Variants in BCAS3 observed in about 807,000 individuals in gnomAD.
The protein encoded by BCAS3 is BCAS3 microtubule associated cell migration factor.
A neutral mutation model predicts 116.1 loss-of-function variants in BCAS3; 53 were observed. The ratio of observed to expected loss-of-function variants is 0.46; its 90% confidence interval spans 0.37 to 0.57. The LOEUF is 0.57. Ranked by LOEUF, BCAS3 falls within the 20% of genes least tolerant of loss-of-function variation. The pLI is 0.00. For synonymous variants in BCAS3, 391 were observed against 408.2 expected, an observed-to-expected ratio of 0.96 and a Z score of 0.51; for missense variants, 917 against 1,165.4, an observed-to-expected ratio of 0.79 and a Z score of 3.10.
rs1260316926 is a variant in BCAS3 at position 61,189,331 on chromosome 17, A to G, written c.2425+104767A>G. Among the ~76,000 whole-genome samples the G allele has an allele frequency of 1.3e-5, 2 of 152,172 alleles. No individual in the cohort carries two copies. Among genetic ancestry groups the G allele is most frequent in the Non-Finnish European group, 1.5e-5 (1 of 68,028 alleles). On this transcript the variant is annotated intron_variant, in intron 22 of 23. Coordinates refer to ENST00000407086, the MANE Select transcript of BCAS3 (RefSeq NM_017679.5). This position sits in a 1 kb window ranked among gnomAD's most constrained non-coding sequence, Gnocchi z 4.5. ...AAGAGAAGCCATGGTATATTCAAAGAGCTCATAAGGAGGTTGACCTTGCCA... is the reference window on the plus strand; with the variant it reads ...AAGAGAAGCCATGGTATATTCAAAGGGCTCATAAGGAGGTTGACCTTGCCA...
In BCAS3 at chr17:61,309,129, C is replaced by T. The variant is rs1323945326; in HGVS notation, c.2426-59198C>T. ...AGGGTTAGTTCCCTACCTCCATGCC[C>T]GTCAAGGAGTAATACTTTTTTCAGC... On this transcript the variant is annotated intron_variant, in intron 22 of 23. Transcript: ENST00000407086. This position sits in a 1 kb window ranked among gnomAD's most constrained non-coding sequence, Gnocchi z 4.6. 7.4e-6 allele frequency among the ~76,000 whole-genome samples: 1 copy of T among 135,322 alleles called. No homozygotes were observed. Among genetic ancestry groups the T allele is most frequent in the African/African-American group, 3.6e-5 (1 of 27,468 alleles). 88.8% of individuals were successfully genotyped at this position (135,322 alleles called of 152,430 possible).
intron 22 of BCAS3, among the ~76,000 whole-genome samples, chr17:61,283,825 G>A (rs895095555): frequency 6.6e-5 from 10 of 152,140 alleles, no homozygotes; most frequent in African/African-American, 2.4e-4. Flanking sequence ...ATGCAGTGAC[G>A]CAGTCATAGC....
intron 22 of BCAS3, among the ~76,000 whole-genome samples, chr17:61,146,447 G>A (rs1476411742): frequency 2.0e-5 from 3 of 152,074 alleles, no homozygotes; most frequent in Non-Finnish European, 1.5e-5. Flanking sequence ...TTGTGTACCA[G>A]TTTGGGTCAC....
intron 10 of BCAS3, among the ~76,000 whole-genome samples, chr17:60,901,590 A>G (rs2057897939): frequency 1.3e-5 from 2 of 152,222 alleles, no homozygotes; most frequent in African/African-American, 2.4e-5. Context: ...TTGACTTTGC[A>G]TATCATACTT....
At chr17:60,979,776 C>A (rs1272058584) in intron 14 of BCAS3, among the ~76,000 whole-genome samples, 2 of 152,118 alleles carry the variant, frequency 1.3e-5, no homozygotes, top group Non-Finnish European at 2.9e-5. Flanking sequence ...GTCTTTGGTT[C>A]TGTTTATGTG....
chr17:61,322,848 GAGAGAGAC>G (rs2055400667), intron 22 of BCAS3, among the ~76,000 whole-genome samples: 46 of 146,488 alleles, frequency 3.1e-4, no homozygotes, highest in African/African-American at 9.7e-4. Context: ...GAGAGAGAGA[GAGAGAGAC>G]AGAGAGAGAG....
intron 22 of BCAS3, among the ~76,000 whole-genome samples, chr17:61,202,797 CTGAGT>C (rs1452007276): frequency 6.6e-6 from 1 of 152,106 alleles, no homozygotes; most frequent in Non-Finnish European, 1.5e-5. Context: ...CTCAGATGGT[CTGAGT>C]TTTCAAAAGA....
chr17:61,079,036 A>G (rs2072297084), intron 21 of BCAS3, among the ~76,000 whole-genome samples: 1 of 152,144 alleles, frequency 6.6e-6, no homozygotes, highest in African/African-American at 2.4e-5. Flanking sequence ...TAGGAATCCT[A>G]GGACAGGTGT....
chr17:60,801,316 G>A (rs2047752627), intron 6 of BCAS3, among the ~76,000 whole-genome samples: 1 of 151,942 alleles, frequency 6.6e-6, no homozygotes, highest in South Asian at 2.1e-4. Flanking sequence ...GTCCATGATA[G>A]TATATACTTT....
intron 19 of BCAS3, among the ~76,000 whole-genome samples, chr17:61,052,148 C>A (rs1331415230): frequency 2.0e-5 from 3 of 152,008 alleles, no homozygotes; most frequent in African/African-American, 7.2e-5. Context: ...TTCACTCTCT[C>A]TGTCACTTTC....
chr17:61,081,719 G>T (rs1279374580), intron 21 of BCAS3, among the ~76,000 whole-genome samples: 4 of 152,034 alleles, frequency 2.6e-5, no homozygotes, highest in Non-Finnish European at 5.9e-5. Flanking sequence ...GTCCTTTTTA[G>T]TACCACCATT....
Position 61,041,473 on chromosome 17 carries a change from AGT to A in BCAS3, c.2029+582_2029+583del, listed in dbSNP as rs1233631255. On this transcript the variant is annotated intron_variant, in intron 19 of 23. Transcript: ENST00000407086. This position sits in a 1 kb window ranked among gnomAD's most constrained non-coding sequence, Gnocchi z 4.7. Reference sequence around the variant, plus strand: ...TATGGGAGTCATTTAAAGGCAATTTAGTATTTATTATCCAGTTTGCGTTTATA... The same window carrying A: ...TATGGGAGTCATTTAAAGGCAATTTAATTTATTATCCAGTTTGCGTTTATA... 1.3e-5 allele frequency among the ~76,000 whole-genome samples: 2 copies of A among 152,072 alleles called. No individual in the cohort carries two copies. Among genetic ancestry groups the A allele is most frequent in the Non-Finnish European group, 2.9e-5 (2 of 67,960 alleles).
At chr17:60,858,493 T>TATAG (rs1440652191) in intron 7 of BCAS3, among the ~76,000 whole-genome samples, 1 of 152,196 alleles carries the variant, frequency 6.6e-6, no homozygotes, top group Non-Finnish European at 1.5e-5. Context: ...TTTGTTGTTT[T>TATAG]ATAGATAATT....
intron 22 of BCAS3, among the ~76,000 whole-genome samples, chr17:61,152,973 C>A (rs551411832): frequency 6.6e-6 from 1 of 152,180 alleles, no homozygotes; most frequent in Non-Finnish European, 1.5e-5. Flanking sequence ...AAGAAATTTT[C>A]TATCATCCTA....
At chr17:61,076,428 C>T (rs11657937) in intron 20 of BCAS3, among the ~76,000 whole-genome samples, 6,218 of 152,254 alleles carry the variant, frequency 0.041, 188 homozygotes, top group Non-Finnish European at 0.067. Context: ...AAAATATTCA[C>T]AGGAAGTTCC....
intron 5 of BCAS3, among the ~76,000 whole-genome samples, chr17:60,725,917 C>A (rs867214630): frequency 1.3e-5 from 2 of 151,902 alleles, no homozygotes; most frequent in East Asian, 3.9e-4. Flanking sequence ...GTTTTTGAGA[C>A]GGAGTTTCGC....
chr17:61,180,312 G>GA lies in BCAS3; in HGVS notation c.2425+95748_2425+95749insA, dbSNP rs545514036. ...GTATTATTTCACTTAAAAAAATCTTGGAAGATAAACCAAGACAGGAAAATG... is the reference window on the plus strand; with the variant it reads ...GTATTATTTCACTTAAAAAAATCTTGAGAAGATAAACCAAGACAGGAAAATG... On this transcript the variant is annotated intron_variant, in intron 22 of 23. Coordinates refer to ENST00000407086, the MANE Select transcript of BCAS3 (RefSeq NM_017679.5). The surrounding 1 kb of genome is among the most constrained non-coding windows in gnomAD (Gnocchi z 6.0). Among the ~76,000 whole-genome samples, 132 of 152,182 alleles carry GA rather than the reference G, an allele frequency of 8.7e-4. 1 individual carries two copies. Among genetic ancestry groups the GA allele is most frequent in the African/African-American group, 3.1e-3 (128 of 41,498 alleles).
chr17:61,329,345 T>TA (rs57523014), intron 22 of BCAS3, among the ~76,000 whole-genome samples: 10,498 of 138,724 alleles, frequency 0.076, 494 homozygotes, highest in Non-Finnish European at 0.11. Context: ...TTATTATTAT[T>TA]TTTTTTTTTT....
chr17:60,886,996 T>G (rs1412265875), intron 9 of BCAS3: 1 of 156,780 alleles, frequency 6.4e-6, no homozygotes, highest in East Asian at 1.9e-4. Flanking sequence ...CCCGGCTGCT[T>G]TGTTTACCTA....
Sources: allele counts gnomAD v4.1 joint callset (sites outside exome capture counted in the v4.1 genomes callset), GRCh38; gene constraint gnomAD v4.1.1; non-coding constraint Gnocchi (gnomAD v3.1); transcripts MANE v1.5; gene names NCBI Gene and HGNC (gene_info 2026-07-23, HGNC 2026-07-21).